Variants in CPE observed in about 807,000 individuals in gnomAD.
CPE encodes carboxypeptidase E, also known as carbocypeptidase E.
In CPE, 17 loss-of-function variants were observed where a neutral mutation model predicts 53.5. That is an observed-to-expected ratio of 0.32 (90% CI 0.22 to 0.48). The LOEUF (loss-of-function observed/expected upper bound fraction) is 0.48, where lower values mean the gene tolerates loss of function less well. CPE is among the 20% of genes least tolerant of loss of function. The probability of loss-of-function intolerance (pLI) is 0.99; values close to 1 mark genes in which losing one functional copy is unlikely to be tolerated. For synonymous variants in CPE, 226 were observed against 228.8 expected, an observed-to-expected ratio of 0.99 and a Z score of 0.11; for missense variants, 524 against 614.7, an observed-to-expected ratio of 0.85 and a Z score of 1.56.
intron 1 of CPE, among the ~76,000 whole-genome samples, chr4:165,442,036 G>GTTTTTTTGTTTTTTTTTTTTTTT (rs1731622704): frequency 1.6e-5 from 1 of 61,332 alleles, no homozygotes; most frequent in African/African-American, 7.9e-5. Context: ...TTTTTTTTTT[G>GTTTTTTTGTTTTTTTTTTTTTTT]TTTTTTTTTT....
In CPE at chr4:165,399,945, T is replaced by A. The variant is rs545546975; in HGVS notation, c.307+20417T>A. ...TCTCTAAGAGTGGGTTCCAAGATAA[T>A]GTTCAGAGGATAATAACAGAGCACT... On this transcript the variant is annotated intron_variant, in intron 1 of 8. Transcript: ENST00000402744. 2.0e-5 allele frequency among the ~76,000 whole-genome samples: 3 copies of A among 152,246 alleles called. 1 individual carries two copies. The South Asian group carries it at 6.2e-4, about 32-fold the overall frequency.
chr4:165,441,737 A>T (rs1382653547), intron 1 of CPE, among the ~76,000 whole-genome samples: 1 of 152,184 alleles, frequency 6.6e-6, no homozygotes, highest in Non-Finnish European at 1.5e-5. Flanking sequence ...ATGGTTGAGG[A>T]CTTATGCATA....
At chr4:165,482,436 ATT>A in intron 4 of CPE, 77 bp downstream of exon 4, 1 of 1,038,254 alleles carries the variant, frequency 9.6e-7, no homozygotes, top group Non-Finnish European at 1.4e-6. Context: ...GATTTCTGTA[ATT>A]TTTTTTAAGG....
intron 1 of CPE, among the ~76,000 whole-genome samples, chr4:165,443,987 G>A (rs893095502): frequency 1.8e-4 from 27 of 152,116 alleles, no homozygotes; most frequent in African/African-American, 2.4e-5. Context: ...TTTAGCAAAC[G>A]CCGGCTCTGC....
At chr4:165,456,556 TTC>T (rs33985842) in intron 1 of CPE, among the ~76,000 whole-genome samples, 29,830 of 149,294 alleles carry the variant, frequency 0.2, 4,676 homozygotes, top group African/African-American at 0.44. Context: ...CTCTCTCTCT[TTC>T]TCTCTCTCTC....
At chr4:165,401,498 T>C (rs1047756245) in intron 1 of CPE, among the ~76,000 whole-genome samples, 9 of 152,228 alleles carry the variant, frequency 5.9e-5, no homozygotes, top group Admixed American at 1.3e-4. Flanking sequence ...TGGCTCAGCT[T>C]CCACTCTGTA....
At chr4:165,448,385 C>G (rs1398579956) in intron 1 of CPE, among the ~76,000 whole-genome samples, 1 of 152,126 alleles carries the variant, frequency 6.6e-6, no homozygotes, top group African/African-American at 2.4e-5. Context: ...CTTCAGTTAC[C>G]TATGGGGAAC....
intron 5 of CPE, among the ~76,000 whole-genome samples, chr4:165,486,969 C>G (rs544491794): frequency 2.0e-5 from 3 of 152,244 alleles, no homozygotes; most frequent in African/African-American, 7.2e-5. Context: ...AGTATATTGC[C>G]AAGACTCCCA....
chr4:165,399,433 C>A (rs556918918), intron 1 of CPE, among the ~76,000 whole-genome samples: 4 of 152,122 alleles, frequency 2.6e-5, no homozygotes, highest in Non-Finnish European at 4.4e-5. Context: ...GGCACGATCT[C>A]GGCTCACTGC....
At chr4:165,460,249 G>T (rs1266656543) in intron 1 of CPE, among the ~76,000 whole-genome samples, 2 of 151,108 alleles carry the variant, frequency 1.3e-5, no homozygotes, top group Non-Finnish European at 1.5e-5. Context: ...GGTAAAGAAC[G>T]TATTGACTCA....
chr4:165,449,516 G>T (rs1397948973), intron 1 of CPE, among the ~76,000 whole-genome samples: 2 of 152,152 alleles, frequency 1.3e-5, no homozygotes, highest in African/African-American at 4.8e-5. Context: ...GATAGGAGAG[G>T]TGAGTGTGAG....
chr4:165,467,978 G>A, intron 3 of CPE, 123 bp downstream of exon 3: 2 of 1,113,418 alleles, frequency 1.8e-6, no homozygotes, highest in Non-Finnish European at 2.5e-6. Flanking sequence ...GTTAACTGTG[G>A]CTTTAAGTCA....
intron 3 of CPE, among the ~76,000 whole-genome samples, chr4:165,481,009 TATATATA>T (rs201418944): frequency 3.6e-5 from 2 of 54,864 alleles, no homozygotes; most frequent in Non-Finnish European, 6.9e-5. Flanking sequence ...TATATATATA[TATATATA>T]TTTTTTTTTT....
At chr4:165,410,447 G>A (rs1201760305) in intron 1 of CPE, among the ~76,000 whole-genome samples, 2 of 152,076 alleles carry the variant, frequency 1.3e-5, no homozygotes, top group Admixed American at 6.6e-5. Flanking sequence ...AAACAAAACA[G>A]GCCAGTAACT....
intron 1 of CPE, among the ~76,000 whole-genome samples, chr4:165,424,866 TA>T (rs1731290528): frequency 6.6e-6 from 1 of 150,884 alleles, no homozygotes. Flanking sequence ...TGTAATGATT[TA>T]AAAAGTAGAA....
At chr4:165,410,241 TAAAAA>T (rs70955614) in intron 1 of CPE, among the ~76,000 whole-genome samples, 1 of 119,672 alleles carries the variant, frequency 8.4e-6, no homozygotes, top group African/African-American at 3.1e-5. Flanking sequence ...GGATACTCTG[TAAAAA>T]AAAAAAAAAA....
intron 1 of CPE, among the ~76,000 whole-genome samples, chr4:165,402,268 A>G (rs1376544297): frequency 2.0e-5 from 3 of 152,184 alleles, no homozygotes; most frequent in Non-Finnish European, 4.4e-5. Flanking sequence ...CAGATCTTTG[A>G]AAGAATTTCA....
intron 1 of CPE, among the ~76,000 whole-genome samples, chr4:165,396,123 T>C (rs1181849765): frequency 2.0e-5 from 3 of 152,212 alleles, no homozygotes; most frequent in South Asian, 2.1e-4. Context: ...AAAAATACTT[T>C]TTAGATAACC....
chr4:165,488,800 G>A (rs938254199), intron 6 of CPE, among the ~76,000 whole-genome samples: 9 of 151,900 alleles, frequency 5.9e-5, no homozygotes, highest in African/African-American at 2.2e-4. Context: ...AGGCTCTGTT[G>A]CAGTGGTCCC....
Sources: gnomAD v4.1 joint callset for allele counts (sites outside exome capture counted in the v4.1 genomes callset) on GRCh38, gnomAD v4.1.1 for gene constraint, MANE v1.5 for transcripts, NCBI Gene and HGNC (gene_info 2026-07-23, HGNC 2026-07-21) for gene names.